Variants in SUPT6H observed in about 807,000 individuals in gnomAD.
SUPT6H encodes transcription elongation factor SPT6.
A neutral mutation model predicts 222.3 loss-of-function variants in SUPT6H; 11 were observed. The ratio of observed to expected loss-of-function variants is 0.05; its 90% CI spans 0.03 to 0.08. The LOEUF is 0.08. SUPT6H is among the 10% of genes least tolerant of loss of function. The pLI is 1.00. For synonymous variants in SUPT6H, 762 were observed against 801.2 expected (o/e 0.95, Z 0.83); for missense variants, 1,422 against 2,216.0 (o/e 0.64, Z 7.19).
At chr17:28,684,237 A>T (rs867124364) in intron 17 of SUPT6H, among the ~76,000 whole-genome samples, 2 of 152,120 alleles carry the variant, frequency 1.3e-5, no homozygotes, top group Non-Finnish European at 2.9e-5. Context: ...GAATAGTCCC[A>T]TAGCTAATGG....
chr17:28,676,771 C>G (rs1390211575), intron 7 of SUPT6H, among the ~76,000 whole-genome samples: 2 of 150,504 alleles, frequency 1.3e-5, no homozygotes, highest in Non-Finnish European at 3.0e-5. Flanking sequence ...ACAAAAAATA[C>G]AAAAAACTAG....
chr17:28,681,730 ATC>A, intron 12 of SUPT6H, 150 bp from the exon 13 acceptor site: 4 of 674,578 alleles, frequency 5.9e-6, no homozygotes, highest in Non-Finnish European at 7.2e-6. Context: ...AAAAAAAAAA[ATC>A]AAGAAAGAAA....
intron 35 of SUPT6H, 161 bp from the exon 36 acceptor site, chr17:28,700,780 G>C (rs140035016): frequency 1.0e-6 from 1 of 989,844 alleles, no homozygotes; most frequent in Non-Finnish European, 1.5e-6. Flanking sequence ...CTGTGTGCTC[G>C]GTGCTGACCT....
At position 28,683,652 on chromosome 17, in the gene SUPT6H, A is replaced by G. The variant is rs750168677; in HGVS notation, c.2065A>G (p.Ile689Val). 6.2e-7 allele frequency: 1 copy of G among 1,614,066 alleles called. No homozygotes were observed. The highest frequency in any genetic ancestry group is 1.1e-5 in the South Asian group (1 of 91,070). ...CAACGACCAGACATATTTTGAGGAG[A>G]TAAAACAGTTTTACTACCGAGATGA... ...YGNDQTYFEE[I>V]KQFYYRDEFS... Residue 689 changes from isoleucine to valine, a missense_variant, in exon 17 of 37, where the codon ATA (isoleucine) becomes GTA (valine). Transcript: ENST00000314616.
chr17:28,690,168 T>C lies in SUPT6H; in HGVS notation c.3429T>C (p.Ser1143=), dbSNP rs2031574883. 6.2e-7 allele frequency: 1 copy of C among 1,613,790 alleles called. No homozygotes were observed. Among genetic ancestry groups the C allele is most frequent in the African/African-American group, 1.3e-5 (1 of 74,892 alleles). ...RYKDLRTAYR[S]PNTEEIFNML... is the part of the protein sequence containing the mutation. ...AGGACCTCCGGACAGCCTACCGCTC[T>C]CCCAACACAGAGGAGATCTTCAATA... is the stretch of plus-strand genomic sequence containing the variant. Residue 1143 remains serine (S), a synonymous_variant, in exon 26 of 37, where the codon TCT becomes TCC. Coordinates refer to ENST00000314616, the MANE Select transcript of SUPT6H (RefSeq NM_003170.5).
At chr17:28,669,506 C>T (rs1236867906) in intron 1 of SUPT6H, among the ~76,000 whole-genome samples, 2 of 152,164 alleles carry the variant, frequency 1.3e-5, no homozygotes, top group Non-Finnish European at 2.9e-5. Context: ...TAAAACAAAA[C>T]ATTTTAGTAA....
intron 32 of SUPT6H, 118 bp from the exon 33 acceptor site, chr17:28,699,663 C>T (rs1381296071): frequency 4.8e-6 from 4 of 834,972 alleles, no homozygotes; most frequent in Non-Finnish European, 8.4e-6. Flanking sequence ...CTGGCTGTGT[C>T]ATCTCTCCTT....
At chr17:28,695,241 CACT>C in intron 28 of SUPT6H, 108 bp from the exon 29 acceptor site, 1 of 1,172,320 alleles carries the variant, frequency 8.5e-7, no homozygotes, top group Non-Finnish European at 1.2e-6. Context: ...TTGGGCAAGT[CACT>C]TTACACCTTA....
chr17:28,695,266 C>G, intron 28 of SUPT6H, 86 bp from the exon 29 acceptor site: 2 of 1,410,962 alleles, frequency 1.4e-6, no homozygotes, highest in Non-Finnish European at 1.9e-6. Flanking sequence ...ACCTTTCTGC[C>G]TGGACTTTGG....
At chr17:28,681,144 G>A in intron 11 of SUPT6H, 112 bp from the exon 12 acceptor site, 1 of 1,146,846 alleles carries the variant, frequency 8.7e-7, no homozygotes, top group Non-Finnish European at 1.3e-6. Context: ...AAACTGGTTG[G>A]GATCCCATTT....
chr17:28,698,669 C>T (rs1374569640), intron 32 of SUPT6H, among the ~76,000 whole-genome samples: 1 of 152,258 alleles, frequency 6.6e-6, no homozygotes, highest in African/African-American at 2.4e-5. Context: ...TAAGCCCTGC[C>T]CCCATCCTTC....
At chr17:28,666,847 G>A (rs376246468) in intron 1 of SUPT6H, among the ~76,000 whole-genome samples, 7 of 152,222 alleles carry the variant, frequency 4.6e-5, no homozygotes, top group East Asian at 3.9e-4. Context: ...GTGAGCCACC[G>A]CGCCCAGCCG....
chr17:28,681,781 G>GC, intron 12 of SUPT6H, 101 bp from the exon 13 acceptor site: 1 of 960,416 alleles, frequency 1.0e-6, no homozygotes, highest in Non-Finnish European at 1.5e-6. Context: ...CTTGAAGGAG[G>GC]CCCTTGGCTG....
intron 5 of SUPT6H, 41 bp from the exon 6 acceptor site, chr17:28,675,360 G>A: frequency 6.2e-7 from 1 of 1,607,826 alleles, no homozygotes; most frequent in African/African-American, 1.3e-5. Context: ...TCCTGGCTCA[G>A]CCCCTGACTC....
intron 11 of SUPT6H, among the ~76,000 whole-genome samples, chr17:28,679,304 C>T (rs1235161760): frequency 6.6e-6 from 1 of 151,964 alleles, no homozygotes; most frequent in African/African-American, 2.4e-5. Context: ...ACCTGGGAGG[C>T]GGAGGTTGCC....
intron 1 of SUPT6H, among the ~76,000 whole-genome samples, chr17:28,666,505 G>T (rs1164660149): frequency 1.3e-5 from 2 of 151,330 alleles, no homozygotes; most frequent in Non-Finnish European, 2.9e-5. Flanking sequence ...CTCTTCTTTA[G>T]CCCTTACCCT....
At chr17:28,677,058 G>A (rs1056104130) in intron 7 of SUPT6H, among the ~76,000 whole-genome samples, 5 of 151,772 alleles carry the variant, frequency 3.3e-5, no homozygotes, top group South Asian at 2.1e-4. Flanking sequence ...GTGAAACCCC[G>A]TCTTTACTAA....
At chr17:28,700,703 G>A in intron 35 of SUPT6H, 191 bp downstream of exon 35, 1 of 967,314 alleles carries the variant, frequency 1.0e-6, no homozygotes, top group South Asian at 1.7e-5. Context: ...CCTTTCCACG[G>A]GCCTTTGGGA....
chr17:28,665,062 A>G (rs899462238), intron 1 of SUPT6H, among the ~76,000 whole-genome samples: 3 of 152,176 alleles, frequency 2.0e-5, no homozygotes, highest in Admixed American at 2.0e-4. Context: ...TCCATGTAAC[A>G]GAATTGGATC....
Sources: gnomAD v4.1 joint callset for allele counts (sites outside exome capture counted in the v4.1 genomes callset) on GRCh38, gnomAD v4.1.1 for gene constraint, MANE v1.5 for transcripts, NCBI Gene and HGNC (gene_info 2026-07-23, HGNC 2026-07-21) for gene names.